The following CRLF3 variants were observed in gnomAD, a reference collection of about 807,000 sequenced individuals.
CRLF3 encodes cytokine receptor-like factor 3.
Under a neutral mutation model 55.0 loss-of-function variants are expected in CRLF3, and 33 were observed. The ratio of observed to expected loss-of-function variants is 0.60; its 90% CI spans 0.46 to 0.80. The LOEUF is 0.80. Ranked by LOEUF, CRLF3 falls within the 30% of genes least tolerant of loss-of-function variation. The pLI, the probability that CRLF3 is intolerant of heterozygous loss-of-function variation, is 0.00. For synonymous variants in CRLF3, 238 were observed against 196.8 expected (o/e 1.21, Z -1.75); for missense variants, 494 against 538.4 (o/e 0.92, Z 0.82).
chr17:30,802,435 A>G (rs1301195418), intron 2 of CRLF3, among the ~76,000 whole-genome samples: 1 of 115,056 alleles, frequency 8.7e-6, no homozygotes, highest in East Asian at 2.6e-4. Flanking sequence ...TCTTAGTCTT[A>G]TTTTATATTT....
intron 2 of CRLF3, among the ~76,000 whole-genome samples, chr17:30,798,435 T>A (rs1971957343): frequency 6.6e-6 from 1 of 151,990 alleles, no homozygotes; most frequent in African/African-American, 2.4e-5. Context: ...CCAACTTCTA[T>A]GTCCTTCCAC....
At chr17:30,806,521 C>G (rs561258287) in intron 1 of CRLF3, among the ~76,000 whole-genome samples, 53 of 152,238 alleles carry the variant, frequency 3.5e-4, no homozygotes, top group Non-Finnish European at 5.7e-4. Flanking sequence ...GATTCTGTAG[C>G]CCACAATTTG....
At chr17:30,820,202 C>T (rs769677354) in intron 1 of CRLF3, among the ~76,000 whole-genome samples, 22 of 152,214 alleles carry the variant, frequency 1.4e-4, no homozygotes, top group Non-Finnish European at 1.9e-4. Flanking sequence ...CTACACAGAA[C>T]TTCCTTTTCT....
intron 2 of CRLF3, chr17:30,801,208 A>G (rs1972003615): frequency 6.6e-6 from 1 of 151,926 alleles, no homozygotes. Flanking sequence ...GGTGTGAGCC[A>G]TTGTGCCTGG....
In CRLF3 at chr17:30,804,116, G is replaced by A; in HGVS notation, c.130-8C>T. The A allele has an allele frequency of 1.9e-6, 3 of 1,592,304 alleles. No homozygotes were observed. The highest frequency in any genetic ancestry group is 1.7e-6 in the Non-Finnish European group (2 of 1,162,414). On this transcript the variant is annotated splice_region_variant and splice_polypyrimidine_tract_variant and intron_variant, in intron 1 of 7. Coordinates refer to ENST00000324238, the MANE Select transcript of CRLF3 (RefSeq NM_015986.4). ...TGATGCACTTTCTTTGATCTAAAAA[G>A]AAATAACAAAATACTCAAAATCAGA...
intron 1 of CRLF3, among the ~76,000 whole-genome samples, chr17:30,818,972 C>T (rs557263243): frequency 7.2e-5 from 11 of 152,136 alleles, no homozygotes; most frequent in African/African-American, 2.4e-4. Flanking sequence ...CATTCCACCA[C>T]ACCTGGCTAA....
intron 1 of CRLF3, among the ~76,000 whole-genome samples, chr17:30,816,139 G>A (rs1299937623): frequency 4.0e-5 from 6 of 151,674 alleles, no homozygotes; most frequent in South Asian, 2.1e-4. Context: ...AAAACTAGCC[G>A]GGCATGGTGG....
rs143620913 is a variant in CRLF3, at chr17:30,820,454, C to T, written c.129+4069G>A. The stretch of plus-strand genomic sequence containing the variant: ...CTGTAATACCAGTACTTTGGGAGGC[C>T]GAGGCAAGAGGATTGCTTGAGCTCA... On this transcript the variant is annotated intron_variant, in intron 1 of 7. Coordinates refer to ENST00000324238, the MANE Select transcript of CRLF3 (RefSeq NM_015986.4). Among the ~76,000 whole-genome samples, 1,321 of 152,066 alleles carry T rather than the reference C, an allele frequency of 8.7e-3. 20 individuals carry two copies. The highest frequency in any genetic ancestry group is 0.03 in the African/African-American group (1,244 of 41,492).
chr17:30,785,356 T>G (rs182126415), intron 7 of CRLF3, among the ~76,000 whole-genome samples: 114 of 151,000 alleles, frequency 7.5e-4, no homozygotes, highest in African/African-American at 2.6e-3. Flanking sequence ...ATTAGAGGCG[T>G]GATCCACCGC....
Position 30,824,645 on chromosome 17 carries a change from C to T in CRLF3, c.7G>A (p.Gly3Arg), listed in dbSNP as rs992355500. Reference protein sequence around the residue: MRGAMELEPELLL... With the variant: MRRAMELEPELLL... ...AGCTCAGGCTCCAGCTCCATCGCCC[C>T]CCTCATCTGGCCGCGCGGCCGGCGA... Residue 3 changes from glycine (G) to arginine (R), a missense_variant, in exon 1 of 8, where the codon GGG (glycine) becomes AGG (arginine). Coordinates refer to ENST00000324238, the MANE Select transcript of CRLF3 (RefSeq NM_015986.4). 1.3e-6 allele frequency: 2 copies of T among 1,593,268 alleles called. No individual in the cohort carries two copies. The highest frequency in any genetic ancestry group is 2.7e-5 in the African/African-American group (2 of 73,348).
intron 1 of CRLF3, among the ~76,000 whole-genome samples, chr17:30,812,854 A>C (rs1407770261): frequency 6.6e-6 from 1 of 152,162 alleles, no homozygotes; most frequent in Non-Finnish European, 1.5e-5. Context: ...GGGGAAAGAG[A>C]CAGGAAGGTG....
At chr17:30,822,625 G>A (rs2142278900) in intron 1 of CRLF3, among the ~76,000 whole-genome samples, 1 of 151,638 alleles carries the variant, frequency 6.6e-6, no homozygotes, top group South Asian at 2.1e-4. Context: ...TTAAATTGTT[G>A]GATATAAAAT....
chr17:30,788,272 G>A (rs1409886635), intron 6 of CRLF3, among the ~76,000 whole-genome samples: 1 of 150,138 alleles, frequency 6.7e-6, no homozygotes, highest in Non-Finnish European at 1.5e-5. Context: ...AGGTTGCAGT[G>A]AGCCGATTGT....
At chr17:30,817,297 G>T (rs1904836696) in intron 1 of CRLF3, among the ~76,000 whole-genome samples, 1 of 152,066 alleles carries the variant, frequency 6.6e-6, no homozygotes, top group Non-Finnish European at 1.5e-5. Flanking sequence ...AATGAGCCGG[G>T]TGTGGTGGCA....
rs1971934623 is a variant in CRLF3, at chr17:30,797,378, C to T, written c.358G>A (p.Gly120Ser). Residue 120 changes from glycine to serine, a missense_variant, in exon 3 of 8, where the codon GGT becomes AGT. Transcript: ENST00000324238. ...AGTTTCTCATTCTCTTCTCCCACAC[C>T]ACCAAGCATGGCGATTTCACCTACA... ...VREGEIAMLG[G>S]VGEENEKLWS... The T allele has an allele frequency of 1.9e-6, 3 of 1,613,856 alleles. No homozygotes were observed. Among genetic ancestry groups the T allele is most frequent in the African/African-American group, 1.3e-5 (1 of 75,028 alleles).
chr17:30,790,506 T>C (rs1597915522), intron 6 of CRLF3: 2 of 151,822 alleles, frequency 1.3e-5, no homozygotes, highest in South Asian at 4.2e-4. Context: ...CTTTAGAGAG[T>C]AGCATATACA....
chr17:30,794,121 A>C (rs1312664088), intron 4 of CRLF3, among the ~76,000 whole-genome samples: 1 of 152,184 alleles, frequency 6.6e-6, no homozygotes, highest in Non-Finnish European at 1.5e-5. Flanking sequence ...GGCGTGAGAC[A>C]CTGCGCCTGG....
At chr17:30,793,140 A>G (rs1020423506) in intron 5 of CRLF3, among the ~76,000 whole-genome samples, 1 of 151,878 alleles carries the variant, frequency 6.6e-6, no homozygotes, top group Non-Finnish European at 1.5e-5. Flanking sequence ...TTGTCTCAAA[A>G]AAACTAACTA....
At chr17:30,795,423 G>A (rs1330662367) in intron 4 of CRLF3, among the ~76,000 whole-genome samples, 1 of 151,708 alleles carries the variant, frequency 6.6e-6, no homozygotes, top group Non-Finnish European at 1.5e-5. Context: ...TTGAACCCGG[G>A]AGACGGAGGT....
Sources: allele counts gnomAD v4.1 joint callset (sites outside exome capture counted in the v4.1 genomes callset), GRCh38; gene constraint gnomAD v4.1.1; transcripts MANE v1.5; gene names NCBI Gene and HGNC (gene_info 2026-07-23, HGNC 2026-07-21).